LY6H: variants seen among roughly 807,000 people sequenced by gnomAD.
LY6H encodes the protein lymphocyte antigen 6H.
LY6H carries 8 observed loss-of-function variants against 14.6 expected under a neutral mutation model. The observed-to-expected ratio is 0.55, with a 90% CI of 0.32 to 0.99. LY6H has a LOEUF of 0.99. Ranked by LOEUF, LY6H falls within the 50% of genes least tolerant of loss-of-function variation. The pLI is 0.04. For missense variants in LY6H, 196 were observed against 219.6 expected, an observed-to-expected ratio of 0.89 and a Z score of 0.68; for synonymous variants, 115 against 97.2, an observed-to-expected ratio of 1.18 and a Z score of -1.08.
rs771488683 is a variant in LY6H at position 143,158,250 on chromosome 8, T to A, written c.486A>T (p.Ter162CysextTer14). 1.9e-6 allele frequency: 3 copies of A among 1,607,064 alleles called. No homozygotes were observed. Among genetic ancestry groups the A allele is most frequent in the Non-Finnish European group, 2.6e-6 (3 of 1,175,682 alleles). Residue 162 changes from the stop codon to cysteine, a stop_lost, in exon 4 of 4, where the codon TGA becomes TGT. Transcript: ENST00000342752. Reference sequence around the variant, plus strand: ...GAAGCCCCGTGGGAAGGAGGAGACATCAGGGCCCAGCCCAGAGGAGGGCAG... The same window carrying A: ...GAAGCCCCGTGGGAAGGAGGAGACAACAGGGCCCAGCCCAGAGGAGGGCAG... ...LGPALLWAGP[*>C]
chr8:143,160,340 G>T (rs1563694500), upstream of LY6H: 3 of 604,070 alleles, frequency 5.0e-6, no homozygotes, highest in Admixed American at 9.6e-5. Context: ...CGCGCGAGGG[G>T]CGGGGCGGAG....
intron 2 of LY6H, 136 bp from the exon 3 acceptor site, chr8:143,159,058 T>C (rs1314584335): frequency 3.2e-6 from 4 of 1,263,734 alleles, no homozygotes; most frequent in Non-Finnish European, 4.4e-6. Flanking sequence ...CAGGCCCCCA[T>C]GACCCCTGGA....
intron 3 of LY6H, 25 bp from the exon 4 acceptor site, chr8:143,158,510 G>C: frequency 6.3e-7 from 1 of 1,579,402 alleles, no homozygotes; most frequent in Non-Finnish European, 8.7e-7. Flanking sequence ...CGTGGCCTGG[G>C]ACGGGGGCTC....
chr8:143,158,889 G>T lies in LY6H; in HGVS notation c.164C>A (p.Thr55Asn). ...HGLWCQDCTL[T>N]TNSSHCTPKQ... is the part of the protein sequence containing the mutation. The stretch of plus-strand genomic sequence containing the variant: ...TGGGGTGCAATGGCTGGAGTTGGTG[G>T]TCAGGGTGCAGTCCTGGCACCACAG... Residue 55 changes from threonine (T) to asparagine (N), a missense_variant, in exon 3 of 4, where the codon ACC (threonine) becomes AAC (asparagine). Thr to Asn is a moderately conservative substitution (Grantham distance 65, BLOSUM62 0). Coordinates refer to ENST00000342752, the MANE Select transcript of LY6H (RefSeq NM_001135655.2). 6.2e-7 allele frequency: 1 copy of T among 1,613,558 alleles called. No homozygotes were observed. The highest frequency in any genetic ancestry group is 1.1e-5 in the South Asian group (1 of 91,060).
intron 1 of LY6H, 151 bp from the exon 2 acceptor site, chr8:143,159,860 A>C (rs562046783): frequency 8.8e-7 from 1 of 1,140,856 alleles, no homozygotes; most frequent in Non-Finnish European, 1.1e-6. Flanking sequence ...GTCCGCCGTC[A>C]CAGCATCCCC....
At chr8:143,158,562 GC>G in intron 3 of LY6H, 77 bp from the exon 4 acceptor site, 1 of 1,374,962 alleles carries the variant, frequency 7.3e-7, no homozygotes, top group Non-Finnish European at 1.0e-6. Flanking sequence ...CCCAGCCCAG[GC>G]CCCTCCGGGT....
In LY6H at chr8:143,158,742, C is replaced by G; in HGVS notation, c.250+61G>C. On this transcript the variant is annotated intron_variant, in intron 3 of 3. Transcript: ENST00000342752. ...GGCCAGAGGGGCTCCGAGGACACCT[C>G]TGACCTCTCTCAAGAGCCTGGCTTT... The G allele has an allele frequency of 2.6e-6, 4 of 1,547,422 alleles. No individual in the cohort carries two copies. In the Admixed American group the frequency reaches 7.3e-5, roughly 28 times the overall value.
intron 1 of LY6H, 191 bp downstream of exon 1, chr8:143,160,007 G>A (rs1339619126): frequency 2.4e-6 from 3 of 1,224,782 alleles, no homozygotes; most frequent in Non-Finnish European, 3.1e-6. Flanking sequence ...ACAGGAATGA[G>A]CGGCAGGGGC....
In LY6H at chr8:143,158,351, CCTT is replaced by C; in HGVS notation, c.382_384del (p.Lys128del). On this transcript the variant is annotated inframe_deletion, in exon 4 of 4. Coordinates refer to ENST00000342752, the MANE Select transcript of LY6H (RefSeq NM_001135655.2). ...GCCCCTGCCGCCCCATTGCACAAAT[CCTT>C]CTCGCAGCAGTCCACGTCGACCTTT... is the stretch of plus-strand genomic sequence containing the variant. The C allele has an allele frequency of 6.2e-7, 1 of 1,613,994 alleles. No homozygotes were observed. Among genetic ancestry groups the C allele is most frequent in the Non-Finnish European group, 8.5e-7 (1 of 1,179,958 alleles).
In LY6H at chr8:143,158,010, C is replaced by A. The variant is rs572157141; in HGVS notation, c.*240G>T. The A allele has an allele frequency of 5.4e-5, 27 of 500,888 alleles. No individual in the cohort carries two copies. Among genetic ancestry groups the A allele is most frequent in the Middle Eastern group, 5.2e-4 (1 of 1,926 alleles). The allele number at this position is 500,888 out of a possible 1,614,324, so 31.0% of individuals were successfully genotyped here. A position where few individuals can be genotyped will look rare whatever the true frequency, so the allele number is the denominator to read the frequency against. On this transcript the variant is annotated 3_prime_UTR_variant, in exon 4 of 4. Transcript: ENST00000342752. Reference sequence around the variant, plus strand: ...CCTCCGGGACCTGGGGGTCCCCCCCCACCCTCATCCCCAGGCCTCCTGCCC... The same window carrying A: ...CCTCCGGGACCTGGGGGTCCCCCCCAACCCTCATCCCCAGGCCTCCTGCCC...
intron 3 of LY6H, 72 bp from the exon 4 acceptor site, chr8:143,158,557 C>T (rs938572202): frequency 5.7e-6 from 8 of 1,401,284 alleles, no homozygotes; most frequent in Non-Finnish European, 8.0e-6. Flanking sequence ...GAGGACCCAG[C>T]CCAGGCCCCT....
chr8:143,158,758 G>A lies in LY6H; in HGVS notation c.250+45C>T, dbSNP rs369492283. ...AGGACACCTCTGACCTCTCTCAAGA[G>A]CCTGGCTTTTAGCACATTCCCCACC... On this transcript the variant is annotated intron_variant, in intron 3 of 3. Transcript: ENST00000342752. 1.1e-4 allele frequency: 166 copies of A among 1,552,670 alleles called. No individual in the cohort carries two copies. In the African/African-American group the frequency reaches 2.1e-3, roughly 20 times the overall value.
chr8:143,159,872 C>G, intron 1 of LY6H, 163 bp from the exon 2 acceptor site: 1 of 1,144,164 alleles, frequency 8.7e-7, no homozygotes, highest in Non-Finnish European at 1.1e-6. Flanking sequence ...AGCATCCCCG[C>G]CGGGAGACGT....
intron 1 of LY6H, 49 bp downstream of exon 1, chr8:143,160,149 C>T: frequency 4.0e-6 from 5 of 1,264,748 alleles, no homozygotes; most frequent in Non-Finnish European, 5.0e-6. Flanking sequence ...CGGCGCTCAC[C>T]GCGGATGGGG....
chr8:143,160,009 G>A (rs1320930873), intron 1 of LY6H, 189 bp downstream of exon 1: 1 of 1,224,188 alleles, frequency 8.2e-7, no homozygotes, highest in Non-Finnish European at 1.0e-6. Flanking sequence ...AGGAATGAGC[G>A]GCAGGGGCGG....
At chr8:143,159,743 A>C in intron 1 of LY6H, 34 bp from the exon 2 acceptor site, 1 of 1,336,598 alleles carries the variant, frequency 7.5e-7, no homozygotes, top group Non-Finnish European at 9.5e-7. Context: ...GGAGACCCCA[A>C]AGACCCTCTC....
In LY6H at chr8:143,160,222, G is replaced by T; in HGVS notation, c.-23C>A. ...CATCCCGGGGGTGTCCGCACTCCGG[G>T]CTCGGGCGGCGTGCGCGGCGCGGGG... On this transcript the variant is annotated 5_prime_UTR_variant, in exon 1 of 4. Coordinates refer to ENST00000342752, the MANE Select transcript of LY6H (RefSeq NM_001135655.2). 1 of 1,282,890 alleles carries T rather than the reference G, an allele frequency of 7.8e-7. No homozygotes were observed. Among genetic ancestry groups the T allele is most frequent in the African/African-American group, 1.5e-5 (1 of 65,968 alleles). 79.5% of individuals were successfully genotyped at this position (1,282,890 alleles called of 1,614,324 possible).
intron 2 of LY6H, chr8:143,159,194 C>T (rs148112464): frequency 0.033 from 19,385 of 587,746 alleles, 452 homozygotes; most frequent in Non-Finnish European, 0.037. Context: ...ACGGGCTATA[C>T]AGACCCCACA....
rs1163679743 is a variant in LY6H, at chr8:143,158,082, C to G, written c.*168G>C. On this transcript the variant is annotated 3_prime_UTR_variant, in exon 4 of 4. Transcript: ENST00000342752. ...ATGTCCAGCTGCCTGGGACTCAGAG[C>G]TGGCGGAGAGACAGGGAGGCTTCAC... 5.1e-6 allele frequency: 3 copies of G among 589,196 alleles called. No individual in the cohort carries two copies. Among genetic ancestry groups the G allele is most frequent in the Non-Finnish European group, 9.0e-6 (3 of 333,012 alleles). 36.5% of individuals were successfully genotyped at this position (589,196 alleles called of 1,614,324 possible).
Sources: gnomAD v4.1 joint callset for allele counts on GRCh38, gnomAD v4.1.1 for gene constraint, MANE v1.5 for transcripts, NCBI Gene and HGNC (gene_info 2026-07-23, HGNC 2026-07-21) for gene names.